MAP3K5: variants seen among roughly 807,000 people sequenced by gnomAD.
The protein encoded by MAP3K5 is ASK-1.
In MAP3K5, 56 loss-of-function variants were observed where a neutral mutation model predicts 158.7. The ratio of observed to expected loss-of-function variants is 0.35; its 90% confidence interval spans 0.28 to 0.44. MAP3K5 has a LOEUF of 0.44. MAP3K5 is among the 20% of genes least tolerant of loss of function. The probability of loss-of-function intolerance (pLI) is 1.00; values close to 1 mark genes in which losing one functional copy is unlikely to be tolerated. For synonymous variants in MAP3K5, 579 were observed against 601.7 expected (o/e 0.96, Z 0.55); for missense variants, 1,294 against 1,674.8 (o/e 0.77, Z 3.97).
At chr6:136,788,943 C>T (rs1582708062) in intron 1 of MAP3K5, among the ~76,000 whole-genome samples, 1 of 152,158 alleles carries the variant, frequency 6.6e-6, no homozygotes, top group African/African-American at 2.4e-5. Context: ...AAAAAGACAC[C>T]AAACCAGATA....
At chr6:136,749,010 A>C (rs900662936) in intron 1 of MAP3K5, among the ~76,000 whole-genome samples, 5 of 152,358 alleles carry the variant, frequency 3.3e-5, no homozygotes, top group Admixed American at 2.6e-4. Flanking sequence ...AGAAAATTAT[A>C]TAATATGCTC....
intron 6 of MAP3K5, among the ~76,000 whole-genome samples, chr6:136,694,538 T>C (rs1307145685): frequency 2.0e-5 from 3 of 152,202 alleles, no homozygotes; most frequent in African/African-American, 7.2e-5. Context: ...AGTTTCTGTG[T>C]TAATAATGGT....
intron 7 of MAP3K5, among the ~76,000 whole-genome samples, chr6:136,669,773 A>C (rs1363137325): frequency 6.6e-6 from 1 of 152,184 alleles, no homozygotes; most frequent in Non-Finnish European, 1.5e-5. Flanking sequence ...CATATATTCC[A>C]AATGTTAGAA....
At chr6:136,637,762 G>A (rs1184361809) in intron 13 of MAP3K5, among the ~76,000 whole-genome samples, 3 of 152,054 alleles carry the variant, frequency 2.0e-5, no homozygotes, top group Non-Finnish European at 2.9e-5. Context: ...ATTCAGAGAG[G>A]AGGCTGATGG....
chr6:136,640,434 T>C (rs1297527020), intron 12 of MAP3K5, among the ~76,000 whole-genome samples: 2 of 152,230 alleles, frequency 1.3e-5, no homozygotes, highest in Non-Finnish European at 2.9e-5. Context: ...TTGTGCCTGC[T>C]GGTCCTTCCA....
chr6:136,691,079 G>A (rs748204604), intron 7 of MAP3K5, among the ~76,000 whole-genome samples: 1 of 151,948 alleles, frequency 6.6e-6, no homozygotes, highest in Non-Finnish European at 1.5e-5. Context: ...TTCTTAGGCT[G>A]CATTTATGAC....
At chr6:136,716,426 G>A (rs971332379) in intron 2 of MAP3K5, among the ~76,000 whole-genome samples, 1 of 152,154 alleles carries the variant, frequency 6.6e-6, no homozygotes, top group South Asian at 2.1e-4. Flanking sequence ...TAAAGTGAGT[G>A]GGGAGTGGCC....
At chr6:136,568,654 C>A (rs1489031329) in intron 25 of MAP3K5, among the ~76,000 whole-genome samples, 1 of 152,102 alleles carries the variant, frequency 6.6e-6, no homozygotes, top group Non-Finnish European at 1.5e-5. Flanking sequence ...GCAGGCATAT[C>A]ATGAGGTCAG....
At position 136,650,990 on chromosome 6, in the gene MAP3K5, A is replaced by T. The variant is rs771674355; in HGVS notation, c.1782T>A (p.Asp594Glu). 5 of 1,605,006 alleles carry T rather than the reference A, an allele frequency of 3.1e-6. No homozygotes were observed. The African/African-American group carries it at 6.7e-5, about 21-fold the overall frequency. The stretch of plus-strand genomic sequence containing the variant: ...TAATAACTGCACAATTTACCTTGTC[A>T]TCAGGAAGCACGTGCCAAATAGAGA... ...KTISIWHVLPDDKKGIHEWNF... is the reference protein window; with the variant it reads ...KTISIWHVLPEDKKGIHEWNF... Residue 594 changes from aspartate to glutamate, a missense_variant, in exon 11 of 30, where the codon GAT (aspartate) becomes GAA (glutamate). Asp to Glu is a conservative substitution (Grantham distance 45, BLOSUM62 2). Transcript: ENST00000359015.
At chr6:136,760,912 T>G (rs947685824) in intron 1 of MAP3K5, among the ~76,000 whole-genome samples, 1 of 152,144 alleles carries the variant, frequency 6.6e-6, no homozygotes, top group Non-Finnish European at 1.5e-5. Context: ...GATGTTGCAG[T>G]GAGCTGAGAT....
At chr6:136,699,122 C>T (rs549206851) in intron 3 of MAP3K5, among the ~76,000 whole-genome samples, 2 of 152,156 alleles carry the variant, frequency 1.3e-5, no homozygotes, top group East Asian at 3.9e-4. Context: ...CCGCTCAAAT[C>T]CACCCCCCGG....
At chr6:136,776,699 T>C (rs921561703) in intron 1 of MAP3K5, among the ~76,000 whole-genome samples, 27 of 152,206 alleles carry the variant, frequency 1.8e-4, no homozygotes, top group African/African-American at 7.2e-5. Context: ...TTGTCTCCCT[T>C]TTGCCTGCCC....
At chr6:136,602,114 A>C in intron 19 of MAP3K5, 135 bp from the exon 20 acceptor site, 1 of 672,048 alleles carries the variant, frequency 1.5e-6, no homozygotes, top group Non-Finnish European at 2.5e-6. Flanking sequence ...GCTTTTCTCA[A>C]AGGGAGATAA....
chr6:136,639,613 A>G lies in MAP3K5; in HGVS notation c.1864T>C (p.Cys622Arg). Residue 622 changes from cysteine (C) to arginine (R), a missense_variant, in exon 13 of 30, where the codon TGC becomes CGC. Cys to Arg is a radical substitution (Grantham distance 180). Transcript: ENST00000359015. ...VSISKFEERC[C>R]FLYVLHNSDD... ...GAATTGTGAAGCACATAAAGAAAGC[A>G]GCATCTTTCTTCAAATTTAGAAATA... 6.3e-7 allele frequency: 1 copy of G among 1,593,638 alleles called. No individual in the cohort carries two copies.
At position 136,636,892 on chromosome 6, in the gene MAP3K5, C is replaced by T. The variant is rs796240650; in HGVS notation, c.2016+433G>A. The T allele has an allele frequency of 1.4e-5, 14 of 993,370 alleles. No homozygotes were observed. In the South Asian group the frequency reaches 6.0e-4, roughly 43 times the overall value. 61.5% of individuals were successfully genotyped at this position (993,370 alleles called of 1,614,324 possible). A position where few individuals can be genotyped will look rare whatever the true frequency, so the allele number is the denominator to read the frequency against. ...AACAACATTTGAAGTCATTGTTATT[C>T]CCTCCTCTCTTAATTCCATTAATCT... On this transcript the variant is annotated intron_variant, in intron 14 of 29. Transcript: ENST00000359015.
chr6:136,595,839 G>A (rs1053021723), intron 21 of MAP3K5, among the ~76,000 whole-genome samples: 6 of 151,972 alleles, frequency 3.9e-5, no homozygotes, highest in African/African-American at 9.7e-5. Context: ...GTGAAACCTC[G>A]CTTCTACTAA....
At chr6:136,642,188 T>A (rs1778011766) in intron 12 of MAP3K5, among the ~76,000 whole-genome samples, 1 of 152,024 alleles carries the variant, frequency 6.6e-6, no homozygotes, top group East Asian at 1.9e-4. Context: ...ACAGAAATCA[T>A]CCTATTACAT....
chr6:136,750,811 C>G (rs1783173534), intron 1 of MAP3K5, among the ~76,000 whole-genome samples: 1 of 152,226 alleles, frequency 6.6e-6, no homozygotes, highest in African/African-American at 2.4e-5. Flanking sequence ...AGTGTGTTTA[C>G]ACAATTGTCT....
chr6:136,583,494 T>A, intron 24 of MAP3K5, 61 bp downstream of exon 24: 1 of 1,414,506 alleles, frequency 7.1e-7, no homozygotes, highest in Non-Finnish European at 9.6e-7. Context: ...ACTTATGTTT[T>A]ATCTTATTTT....
Sources: gnomAD v4.1 joint callset for allele counts (sites outside exome capture counted in the v4.1 genomes callset) on GRCh38, gnomAD v4.1.1 for gene constraint, MANE v1.5 for transcripts, NCBI Gene and HGNC (gene_info 2026-07-23, HGNC 2026-07-21) for gene names.